Variants in NOL4L observed in about 807,000 individuals in gnomAD.
The protein encoded by NOL4L is nucleolar protein 4 like, also known as nucleolar protein 4-like.
NOL4L carries 7 observed loss-of-function variants against 64.5 expected under a neutral mutation model. The ratio of observed to expected loss-of-function variants is 0.11; its 90% CI spans 0.06 to 0.20. The LOEUF (loss-of-function observed/expected upper bound fraction) is 0.20, where lower values mean the gene tolerates loss of function less well. Among genes scored for constraint, NOL4L ranks in the 10% least tolerant of loss-of-function variants. The pLI, the probability that NOL4L is intolerant of heterozygous loss-of-function variation, is 1.00. For synonymous variants in NOL4L, 413 were observed against 401.0 expected, an observed-to-expected ratio of 1.03 and a Z score of -0.36; for missense variants, 680 against 967.1, an observed-to-expected ratio of 0.70 and a Z score of 3.94.
chr20:32,532,768 C>A (rs1236793886), intron 1 of NOL4L, among the ~76,000 whole-genome samples: 1 of 152,190 alleles, frequency 6.6e-6, no homozygotes, highest in Non-Finnish European at 1.5e-5. Flanking sequence ...CCTATCCCAG[C>A]TTCCTGGAAA....
intron 4 of NOL4L, chr20:32,510,091 T>G (rs1299874729): frequency 1.1e-5 from 6 of 557,550 alleles, no homozygotes; most frequent in Non-Finnish European, 5.9e-6. Context: ...ACTTTGCCTT[T>G]GTGCGTTGGA....
intron 5 of NOL4L, among the ~76,000 whole-genome samples, chr20:32,458,441 T>C (rs2013751752): frequency 6.6e-6 from 1 of 152,192 alleles, no homozygotes; most frequent in Non-Finnish European, 1.5e-5. Flanking sequence ...GGGATCCTCA[T>C]GCTCCCTTCC....
chr20:32,482,487 C>G (rs975582092), intron 4 of NOL4L, among the ~76,000 whole-genome samples: 5 of 152,116 alleles, frequency 3.3e-5, no homozygotes, highest in Non-Finnish European at 5.9e-5. Flanking sequence ...GCGGATTGCA[C>G]TCCCCCCTCC....
Position 32,444,723 on chromosome 20 carries a change from T to A in NOL4L, c.*2873A>T, listed in dbSNP as rs1350200315. On this transcript the variant is annotated 3_prime_UTR_variant, in exon 11 of 11. Coordinates refer to ENST00000621426, the MANE Select transcript of NOL4L (RefSeq NM_001256798.2). ...CTCTGGAATTGGAGTATCCTACTCT[T>A]GCATTTCCTTTTTAACTTAGGATCC... 1 of 152,234 alleles carries A rather than the reference T, an allele frequency of 6.6e-6. No homozygotes were observed. Among genetic ancestry groups the A allele is most frequent in the African/African-American group, 2.4e-5 (1 of 41,462 alleles). 9.4% of individuals were successfully genotyped at this position (152,234 alleles called of 1,614,324 possible).
intron 1 of NOL4L, among the ~76,000 whole-genome samples, chr20:32,552,300 G>A (rs927309049): frequency 4.6e-5 from 7 of 152,140 alleles, no homozygotes; most frequent in Non-Finnish European, 1.0e-4. Context: ...TTTCGCCCGG[G>A]GAGAGGAACA....
intron 4 of NOL4L, among the ~76,000 whole-genome samples, chr20:32,501,698 CAT>C (rs1348752115): frequency 6.6e-6 from 1 of 151,594 alleles, no homozygotes; most frequent in African/African-American, 2.4e-5. Flanking sequence ...AAAATGAAAA[CAT>C]AAAAATACTA....
At position 32,453,474 on chromosome 20, in the gene NOL4L, C is replaced by T; in HGVS notation, c.1327G>A (p.Asp443Asn). 1 of 1,614,084 alleles carries T rather than the reference C, an allele frequency of 6.2e-7. No individual in the cohort carries two copies. The highest frequency in any genetic ancestry group is 8.5e-7 in the Non-Finnish European group (1 of 1,180,008). Residue 443 changes from aspartate to asparagine, a missense_variant, in exon 8 of 11, where the codon GAC (aspartate) becomes AAC (asparagine). By Grantham distance (23) the Asp-to-Asn change is conservative (BLOSUM62 1). Coordinates refer to ENST00000621426, the MANE Select transcript of NOL4L (RefSeq NM_001256798.2). The surrounding 1 kb of genome is among the most constrained non-coding windows in gnomAD (Gnocchi z 5.6). ...GGCACCATGCGGTCCAGGTTCTCGT[C>T]CACAAAGAGACGCACAAACATCTGT... is the stretch of plus-strand genomic sequence containing the variant. ...AFNMFVRLFV[D>N]ENLDRMVPIS...
intron 3 of NOL4L, chr20:32,519,600 C>A (rs1359334922): frequency 6.6e-6 from 1 of 152,228 alleles, no homozygotes; most frequent in African/African-American, 2.4e-5. Context: ...ATTGTACCAG[C>A]CAAATGTGCT....
intron 5 of NOL4L, among the ~76,000 whole-genome samples, 163 bp from the exon 6 acceptor site, chr20:32,456,558 T>C (rs2145437186): frequency 6.6e-6 from 1 of 152,230 alleles, no homozygotes; most frequent in East Asian, 1.9e-4. Context: ...CAGCCTCAGC[T>C]GAGGCAGCCA....
intron 1 of NOL4L, among the ~76,000 whole-genome samples, chr20:32,537,803 G>C (rs2018575633): frequency 6.7e-6 from 1 of 149,738 alleles, no homozygotes. Context: ...TTTGGAGACG[G>C]AATCTTGCTC....
chr20:32,581,008 G>A (rs1004822498), intron 1 of NOL4L, among the ~76,000 whole-genome samples: 1 of 152,232 alleles, frequency 6.6e-6, no homozygotes, highest in Non-Finnish European at 1.5e-5. Flanking sequence ...TGCTTCCCCC[G>A]CTTGGCAGCC....
At chr20:32,542,845 T>C (rs1046900999) in intron 1 of NOL4L, among the ~76,000 whole-genome samples, 5 of 152,250 alleles carry the variant, frequency 3.3e-5, no homozygotes, top group Non-Finnish European at 5.9e-5. Flanking sequence ...CTAGCTCTGG[T>C]GTCAGGGTGA....
At chr20:32,483,575 G>A (rs1179257248) in intron 4 of NOL4L, 1 of 967,016 alleles carries the variant, frequency 1.0e-6, no homozygotes, top group African/African-American at 1.9e-5. Flanking sequence ...GGCAGCGGCG[G>A]CGGCGCCGCG....
rs1600740875 is a variant in NOL4L at position 32,488,888 on chromosome 20, TTTCTTTCC to T, written c.700-14154_700-14147del. Among the ~76,000 whole-genome samples the T allele has an allele frequency of 1.3e-4, 18 of 136,514 alleles. 1 individual carries two copies. The East Asian group carries it at 1.5e-3, about 11-fold the overall frequency. The allele number at this position is 136,514 out of a possible 152,430, so 89.6% of individuals were successfully genotyped here. A position where few individuals can be genotyped will look rare whatever the true frequency, so the allele number is the denominator to read the frequency against. On this transcript the variant is annotated intron_variant, in intron 4 of 10. Transcript: ENST00000621426. ...CTTTCTTTCTTTCTTTCTTTCTTTC[TTTCTTTCC>T]TCTCTCTTTCTTTCTTTCTGACTAA... is the stretch of plus-strand genomic sequence containing the variant.
At chr20:32,509,702 A>G in intron 4 of NOL4L, 1 of 1,206,446 alleles carries the variant, frequency 8.3e-7, no homozygotes, top group Non-Finnish European at 1.1e-6. Context: ...GTGAAGATAC[A>G]GTTAGGATTT....
intron 4 of NOL4L, among the ~76,000 whole-genome samples, chr20:32,478,359 T>C (rs1249884852): frequency 6.6e-6 from 1 of 152,138 alleles, no homozygotes; most frequent in East Asian, 1.9e-4. Context: ...GCTGGCACTG[T>C]GCTAGGGACA....
At chr20:32,567,960 C>CCACCATCATCGT (rs544437501) in intron 1 of NOL4L, among the ~76,000 whole-genome samples, 28 of 151,844 alleles carry the variant, frequency 1.8e-4, no homozygotes, top group Non-Finnish European at 2.7e-4. Context: ...ATCTTCATCA[C>CCACCATCATCGT]CACCATCATC....
rs1441024461 is a variant in NOL4L at position 32,445,872 on chromosome 20, C to G, written c.*1724G>C. ...AGGATGGGGCATCCTCACTGGTGCC[C>G]CCCCCATCCCTCCTTGGGGGGAGTC... On this transcript the variant is annotated 3_prime_UTR_variant, in exon 11 of 11. Transcript: ENST00000621426. The G allele has an allele frequency of 6.6e-6, 1 of 152,202 alleles. No homozygotes were observed. The highest frequency in any genetic ancestry group is 1.5e-5 in the Non-Finnish European group (1 of 68,026). 9.4% of individuals were successfully genotyped at this position (152,202 alleles called of 1,614,324 possible). A position where few individuals can be genotyped will look rare whatever the true frequency, so the allele number is the denominator to read the frequency against.
intron 2 of NOL4L, among the ~76,000 whole-genome samples, chr20:32,521,242 A>G (rs1341402289): frequency 2.6e-5 from 4 of 152,226 alleles, no homozygotes. Context: ...CTACAAAAAA[A>G]TGGGCTTACA....
Sources: allele counts gnomAD v4.1 joint callset (sites outside exome capture counted in the v4.1 genomes callset), GRCh38; gene constraint gnomAD v4.1.1; non-coding constraint Gnocchi (gnomAD v3.1); transcripts MANE v1.5; gene names NCBI Gene and HGNC (gene_info 2026-07-23, HGNC 2026-07-21).